CLASP1: variants seen among roughly 807,000 people sequenced by gnomAD.
The protein encoded by CLASP1 is cytoplasmic linker associated protein 1.
In CLASP1, 38 loss-of-function variants were observed where a neutral mutation model predicts 192.3. The observed-to-expected ratio is 0.20, with a 90% CI of 0.15 to 0.26. The LOEUF (loss-of-function observed/expected upper bound fraction) is 0.26, where lower values mean the gene tolerates loss of function less well. CLASP1 is among the 10% of genes least tolerant of loss of function. The probability of loss-of-function intolerance (pLI) is 1.00; values close to 1 mark genes in which losing one functional copy is unlikely to be tolerated. For missense variants in CLASP1, 1,433 were observed against 1,932.5 expected, an observed-to-expected ratio of 0.74 and a Z score of 4.85; for synonymous variants, 691 against 712.8, an observed-to-expected ratio of 0.97 and a Z score of 0.49.
chr2:121,471,692 A>G (rs1469746721), intron 8 of CLASP1, among the ~76,000 whole-genome samples: 1 of 152,164 alleles, frequency 6.6e-6, no homozygotes, highest in Non-Finnish European at 1.5e-5. Context: ...AGGAGGAAAG[A>G]CATCTTCACA....
At chr2:121,409,237 C>T (rs1195831812) in intron 24 of CLASP1, among the ~76,000 whole-genome samples, 2 of 152,196 alleles carry the variant, frequency 1.3e-5, no homozygotes, top group African/African-American at 2.4e-5. Context: ...CATTTCCTAA[C>T]CCTCCTCCAC....
intron 2 of CLASP1, among the ~76,000 whole-genome samples, chr2:121,580,381 A>T (rs1461556891): frequency 6.6e-6 from 1 of 152,242 alleles, no homozygotes; most frequent in Non-Finnish European, 1.5e-5. Context: ...TCTCTTTATA[A>T]AATAATGTAT....
At chr2:121,448,872 T>C (rs945926265) in intron 17 of CLASP1, 81 bp downstream of exon 17, 36 of 1,405,502 alleles carry the variant, frequency 2.6e-5, no homozygotes, top group Non-Finnish European at 3.5e-5. Flanking sequence ...TGTAAAAACA[T>C]AGCTAGAATT....
intron 37 of CLASP1, among the ~76,000 whole-genome samples, chr2:121,349,779 G>A (rs539930832): frequency 6.6e-6 from 1 of 152,318 alleles, no homozygotes; most frequent in East Asian, 1.9e-4. Context: ...CTGACCTCTG[G>A]AGGGCCACAA....
At chr2:121,367,428 T>C (rs1378440956) in intron 35 of CLASP1, among the ~76,000 whole-genome samples, 160 bp downstream of exon 36, 1 of 152,142 alleles carries the variant, frequency 6.6e-6, no homozygotes, top group Non-Finnish European at 1.5e-5. Context: ...AAGCGCACAG[T>C]AGGGATTCAG....
chr2:121,468,287 A>G (rs1239398461), intron 9 of CLASP1, among the ~76,000 whole-genome samples: 1 of 152,160 alleles, frequency 6.6e-6, no homozygotes, highest in Non-Finnish European at 1.5e-5. Context: ...TTGGTTCTAT[A>G]TGGATTTTAA....
intron 2 of CLASP1, among the ~76,000 whole-genome samples, chr2:121,601,378 T>C (rs1464271111): frequency 6.6e-6 from 1 of 151,426 alleles, no homozygotes; most frequent in Non-Finnish European, 1.5e-5. Flanking sequence ...GTTGAAGCAA[T>C]TCTCCTACCT....
At chr2:121,395,313 C>A (rs186861832) in intron 30 of CLASP1, among the ~76,000 whole-genome samples, 1 of 152,046 alleles carries the variant, frequency 6.6e-6, no homozygotes, top group African/African-American at 2.4e-5. Flanking sequence ...AAACAAATAA[C>A]GAAGTCAAAA....
At position 121,388,649 on chromosome 2, in the gene CLASP1, AG is replaced by A. The variant is rs2073785628; in HGVS notation, c.3124-744del. ...TAAGTGATGTGCTTTCTATGGATTT[AG>A]TAGCAGGCAATCTGAGCTTAAAGCA... is the stretch of plus-strand genomic sequence containing the variant. On this transcript the variant is annotated intron_variant, in intron 30 of 39. Transcript: ENST00000263710. Among the ~76,000 whole-genome samples, 6 of 152,222 alleles carry A rather than the reference AG, an allele frequency of 3.9e-5. No individual in the cohort carries two copies. In the South Asian group the frequency reaches 1.2e-3, roughly 32 times the overall value.
intron 1 of CLASP1, among the ~76,000 whole-genome samples, chr2:121,621,773 G>T (rs558619469): frequency 6.6e-6 from 1 of 152,140 alleles, no homozygotes; most frequent in South Asian, 2.1e-4. Context: ...GCAATTCTGG[G>T]TCCCTTGCAT....
chr2:121,401,332 T>C (rs2076131276), intron 28 of CLASP1, among the ~76,000 whole-genome samples, 177 bp downstream of exon 29: 2 of 152,212 alleles, frequency 1.3e-5, no homozygotes, highest in Admixed American at 1.3e-4. Flanking sequence ...AGATATGGTA[T>C]TTCATTTCAT....
intron 38 of CLASP1, among the ~76,000 whole-genome samples, chr2:121,347,493 A>G (rs192180590): frequency 6.6e-6 from 1 of 152,350 alleles, no homozygotes; most frequent in Non-Finnish European, 1.5e-5. Flanking sequence ...TGAAGGGGAA[A>G]GAGAACTTGG....
intron 1 of CLASP1, among the ~76,000 whole-genome samples, chr2:121,610,213 G>C (rs890105689): frequency 6.6e-6 from 1 of 152,050 alleles, no homozygotes. Flanking sequence ...AGAGGAGCTG[G>C]AGGAGAAGGA....
intron 32 of CLASP1, among the ~76,000 whole-genome samples, chr2:121,386,088 C>T (rs72967333): frequency 0.04 from 6,073 of 152,086 alleles, 162 homozygotes; most frequent in East Asian, 0.14. Context: ...TCTTATGTTC[C>T]AAAGTATTTA....
chr2:121,648,398 T>C (rs1301444427), intron 1 of CLASP1, among the ~76,000 whole-genome samples: 1 of 151,984 alleles, frequency 6.6e-6, no homozygotes, highest in Admixed American at 6.6e-5. Context: ...AGCTCACAGG[T>C]TCTACGAATG....
intron 2 of CLASP1, among the ~76,000 whole-genome samples, chr2:121,543,678 C>T (rs1205746986): frequency 2.0e-5 from 3 of 152,086 alleles, no homozygotes; most frequent in African/African-American, 7.2e-5. Context: ...CAGCTAGCCC[C>T]CTCCAAAAGG....
exon 40 of CLASP1, chr2:121,339,168 CACGT>C (rs1478252879): frequency 1.3e-5 from 2 of 153,140 alleles, no homozygotes; most frequent in East Asian, 3.9e-4. Flanking sequence ...CACACACACA[CACGT>C]CAGCACCCTG....
chr2:121,350,999 G>T (rs1352999690), intron 37 of CLASP1, among the ~76,000 whole-genome samples: 1 of 152,174 alleles, frequency 6.6e-6, no homozygotes. Context: ...TACTTGAACT[G>T]TCTGAGGCCA....
chr2:121,478,937 CCCCA>C, intron 8 of CLASP1, among the ~76,000 whole-genome samples: 1 of 38,846 alleles, frequency 2.6e-5, no homozygotes, highest in African/African-American at 1.1e-4. Flanking sequence ...ACACAACACC[CCCCA>C]CACACACACC....
Sources: gnomAD v4.1 joint callset for allele counts (sites outside exome capture counted in the v4.1 genomes callset) on GRCh38, gnomAD v4.1.1 for gene constraint, MANE v1.5 for transcripts, NCBI Gene and HGNC (gene_info 2026-07-23, HGNC 2026-07-21) for gene names.